The following CDON variants were observed in gnomAD, a reference collection of about 807,000 sequenced individuals.
The protein encoded by CDON is cell adhesion molecule-related/down-regulated by oncogenes.
In CDON, 73 loss-of-function variants were observed where a neutral mutation model predicts 120.9. The ratio of observed to expected loss-of-function variants is 0.60; its 90% CI spans 0.50 to 0.73. The LOEUF (loss-of-function observed/expected upper bound fraction) is 0.73, where lower values mean the gene tolerates loss of function less well. CDON is among the 30% of genes least tolerant of loss of function. The pLI is 0.00. For missense variants in CDON, 1,470 were observed against 1,587.3 expected, an observed-to-expected ratio of 0.93 and a Z score of 1.26; for synonymous variants, 566 against 573.5, an observed-to-expected ratio of 0.99 and a Z score of 0.19.
At chr11:126,043,248 C>A (rs1341379398) in intron 1 of CDON, among the ~76,000 whole-genome samples, 2 of 152,096 alleles carry the variant, frequency 1.3e-5, no homozygotes, top group Non-Finnish European at 2.9e-5. Context: ...TTCCTGCAAA[C>A]AATCAGACCG....
intron 1 of CDON, among the ~76,000 whole-genome samples, chr11:126,027,969 C>CTTT (rs769832631): frequency 1.6e-5 from 2 of 125,780 alleles, no homozygotes; most frequent in South Asian, 5.2e-4. Flanking sequence ...ATCACTCTGC[C>CTTT]TTTTTTTTTT....
chr11:126,002,101 CAAAA>C (rs747855411), intron 10 of CDON, among the ~76,000 whole-genome samples: 1 of 151,906 alleles, frequency 6.6e-6, no homozygotes, highest in Non-Finnish European at 1.5e-5. Flanking sequence ...TTTACGTATG[CAAAA>C]AAATAGGTGA....
In CDON at chr11:126,042,784, GCTT is replaced by G. The variant is rs1314140514; in HGVS notation, c.-61-19250_-61-19248del. Among the ~76,000 whole-genome samples, 82 of 152,264 alleles carry G rather than the reference GCTT, an allele frequency of 5.4e-4. 1 individual carries two copies. The highest frequency in any genetic ancestry group is 1.9e-3 in the African/African-American group (77 of 41,536). On this transcript the variant is annotated intron_variant, in intron 1 of 19. Transcript: ENST00000531738. ...TTACAAGCACACGCTGCCATGCTCG[GCTT>G]CTTTTTTTGTATTTTAGTAGAGACC...
chr11:125,970,302 G>A (rs1945942113), intron 18 of CDON, among the ~76,000 whole-genome samples: 1 of 151,370 alleles, frequency 6.6e-6, no homozygotes, highest in African/African-American at 2.4e-5. Flanking sequence ...AGGCTCCAGA[G>A]TAGCTGAGAT....
chr11:126,027,131 A>C (rs750600141), intron 1 of CDON, among the ~76,000 whole-genome samples: 1 of 152,210 alleles, frequency 6.6e-6, no homozygotes, highest in Non-Finnish European at 1.5e-5. Flanking sequence ...TATGGCCAGA[A>C]AAGGCATTTA....
intron 18 of CDON, among the ~76,000 whole-genome samples, chr11:125,963,645 C>T (rs919201304): frequency 4.6e-5 from 7 of 152,220 alleles, no homozygotes; most frequent in East Asian, 3.9e-4. Context: ...ATTTAAATAA[C>T]TCCAACTTTA....
chr11:126,019,519 T>C, intron 4 of CDON, 100 bp downstream of exon 4: 1 of 1,294,002 alleles, frequency 7.7e-7, no homozygotes, highest in Middle Eastern at 1.8e-4. Flanking sequence ...TCATGCCTTC[T>C]TGTATCCACA....
intron 15 of CDON, 65 bp from the exon 16 acceptor site, chr11:125,984,158 C>T (rs1280135644): frequency 1.0e-5 from 12 of 1,182,376 alleles, no homozygotes; most frequent in African/African-American, 3.0e-5. Context: ...ATGGTTTACT[C>T]TCTGAAGGAG....
chr11:126,046,619 G>C (rs1453746627), intron 1 of CDON, among the ~76,000 whole-genome samples: 1 of 152,148 alleles, frequency 6.6e-6, no homozygotes, highest in Admixed American at 6.5e-5. Context: ...GGCCCCCCTT[G>C]TCATTTTCCG....
At chr11:126,013,404 G>A (rs187711003) in intron 7 of CDON, among the ~76,000 whole-genome samples, 27 of 152,274 alleles carry the variant, frequency 1.8e-4, no homozygotes, top group Admixed American at 5.2e-4. Flanking sequence ...TCACTTCGAA[G>A]TTTGGTAGAA....
Position 125,961,776 on chromosome 11 carries a change from A to C in CDON, c.3579T>G (p.Ile1193Met). The change falls in exon 19 of 20, where the codon ATT becomes ATG. Residue 1193 changes from isoleucine (I) to methionine (M), a missense_variant. Transcript: ENST00000531738. ...AGCCATCAGAGCTGACGTCATTTAC[A>C]ATGTCCTGACAGCAGGTACGCTGAG... ...VPTQRTCCQD[I>M]VNDVSSDGSE... 1.2e-6 allele frequency: 2 copies of C among 1,614,170 alleles called. No homozygotes were observed. Among genetic ancestry groups the C allele is most frequent in the Non-Finnish European group, 1.7e-6 (2 of 1,180,008 alleles).
chr11:126,060,695 A>C (rs1238986598), intron 1 of CDON, among the ~76,000 whole-genome samples: 2 of 152,172 alleles, frequency 1.3e-5, no homozygotes, highest in Non-Finnish European at 1.5e-5. Flanking sequence ...ATAGTCAACA[A>C]ATTTTTACCT....
At chr11:126,005,310 A>AAAC (rs1555123991) in intron 9 of CDON, 451 of 39,560 alleles carry the variant, frequency 0.011, 2 homozygotes, top group African/African-American at 0.029. Flanking sequence ...TCAAAAAAAA[A>AAAC]AAAAAAAACA....
chr11:126,026,491 G>A (rs1026761008), intron 1 of CDON, among the ~76,000 whole-genome samples: 12 of 152,168 alleles, frequency 7.9e-5, no homozygotes, highest in Non-Finnish European at 1.6e-4. Context: ...AATAAAATTA[G>A]GTAGTAATAC....
chr11:126,041,062 G>A (rs764531680), intron 1 of CDON, among the ~76,000 whole-genome samples: 1 of 151,258 alleles, frequency 6.6e-6, no homozygotes, highest in Middle Eastern at 3.4e-3. Context: ...GGTGGTGCAC[G>A]CCTGTAATCC....
intron 12 of CDON, 27 bp downstream of exon 12, chr11:125,997,180 T>C: frequency 6.6e-7 from 1 of 1,524,694 alleles, no homozygotes; most frequent in Non-Finnish European, 9.1e-7. Context: ...ACATCGATGG[T>C]AAAAGGAAAC....
rs1249739288 is a variant in CDON at position 125,961,049 on chromosome 11, T to C, written c.3688A>G (p.Ile1230Val). 3 of 1,614,014 alleles carry C rather than the reference T, an allele frequency of 1.9e-6. No homozygotes were observed. The highest frequency in any genetic ancestry group is 2.5e-6 in the Non-Finnish European group (3 of 1,179,900). The change falls in exon 20 of 20, where the codon ATT becomes GTT. Residue 1230 changes from isoleucine to valine, a missense_variant. Coordinates refer to ENST00000531738, the MANE Select transcript of CDON (RefSeq NM_001378964.1). ...CAGCCCTCGGGGACAGGTGGCAAAATAAGAGCATTCCAACTTACAATGTTG... is the reference window on the plus strand; with the variant it reads ...CAGCCCTCGGGGACAGGTGGCAAAACAAGAGCATTCCAACTTACAATGTTG... ...EINIVSWNAL[I>V]LPPVPEGCAE... is the part of the protein sequence containing the mutation.
chr11:126,018,248 G>GA (rs963492707), intron 5 of CDON, 82 bp downstream of exon 5: 1,040 of 1,364,128 alleles, frequency 7.6e-4, no homozygotes, highest in East Asian at 1.4e-3. Flanking sequence ...AACAGGATTT[G>GA]AAAAAAAAAT....
In CDON at chr11:126,018,311, T is replaced by C; in HGVS notation, c.640+19A>G. 6.2e-7 allele frequency: 1 copy of C among 1,611,984 alleles called. No individual in the cohort carries two copies. Among genetic ancestry groups the C allele is most frequent in the Non-Finnish European group, 8.5e-7 (1 of 1,178,834 alleles). ...GGACTCTTCCTCTTCCAGTTACCATTATTCTCCCAAATACTTACGACTCAC... is the reference window on the plus strand; with the variant it reads ...GGACTCTTCCTCTTCCAGTTACCATCATTCTCCCAAATACTTACGACTCAC... On this transcript the variant is annotated intron_variant, in intron 5 of 19. Transcript: ENST00000531738.
Sources: allele counts gnomAD v4.1 joint callset (sites outside exome capture counted in the v4.1 genomes callset), GRCh38; gene constraint gnomAD v4.1.1; transcripts MANE v1.5; gene names NCBI Gene and HGNC (gene_info 2026-07-23, HGNC 2026-07-21).